Variants in PCBP3 observed in about 807,000 individuals in gnomAD.
PCBP3 encodes the protein poly(rC)-binding protein 3.
In PCBP3, 25 loss-of-function variants were observed where a neutral mutation model predicts 52.7. That is an observed-to-expected ratio of 0.47 (90% CI 0.35 to 0.66). The LOEUF (loss-of-function observed/expected upper bound fraction) is 0.66. PCBP3 is among the 30% of genes least tolerant of loss of function. PCBP3 has a pLI of 0.01. For synonymous variants in PCBP3, 162 were observed against 183.0 expected (o/e 0.89, Z 0.93); for missense variants, 391 against 490.3 (o/e 0.80, Z 1.91).
chr21:45,888,070 G>T (rs1376323952), intron 5 of PCBP3, among the ~76,000 whole-genome samples: 2 of 152,214 alleles, frequency 1.3e-5, no homozygotes, highest in African/African-American at 2.4e-5. Flanking sequence ...GAGCACTGGG[G>T]TCCTCACACT....
chr21:45,676,374 T>G lies in PCBP3; in HGVS notation c.-200+7422T>G, dbSNP rs1365262908. ...TTTATTGCACTTTACAGAATTTTTTTTTTTAAACAAATTTAAGGTTTGTGG... is the reference window on the plus strand; with the variant it reads ...TTTATTGCACTTTACAGAATTTTTTGTTTTAAACAAATTTAAGGTTTGTGG... On this transcript the variant is annotated intron_variant, in intron 2 of 17. Transcript: ENST00000681687. Among the ~76,000 whole-genome samples the G allele has an allele frequency of 2.6e-5, 4 of 152,322 alleles. No homozygotes were observed. In the East Asian group the frequency reaches 7.7e-4, roughly 29 times the overall value.
At chr21:45,907,842 A>T (rs1396160438) in intron 9 of PCBP3, among the ~76,000 whole-genome samples, 2 of 150,596 alleles carry the variant, frequency 1.3e-5, no homozygotes, top group Non-Finnish European at 3.0e-5. Flanking sequence ...GAGGAGCTGG[A>T]AGGGAAGGAC....
At chr21:45,812,494 C>T (rs564175599) in intron 4 of PCBP3, among the ~76,000 whole-genome samples, 2 of 152,290 alleles carry the variant, frequency 1.3e-5, no homozygotes, top group South Asian at 2.1e-4. Flanking sequence ...TAATCTCTGC[C>T]TCCCGAGTTC....
At chr21:45,785,479 C>A (rs1345714764) in intron 4 of PCBP3, among the ~76,000 whole-genome samples, 3 of 138,690 alleles carry the variant, frequency 2.2e-5, no homozygotes, top group African/African-American at 8.5e-5. Context: ...GGGTCAGCCC[C>A]CCGCCTGGCC....
chr21:45,677,751 A>C (rs2081559957), intron 2 of PCBP3, among the ~76,000 whole-genome samples: 2 of 152,238 alleles, frequency 1.3e-5, no homozygotes, highest in Non-Finnish European at 2.9e-5. Flanking sequence ...AGGATCCTTA[A>C]GAATGATGCT....
intron 2 of PCBP3, among the ~76,000 whole-genome samples, chr21:45,671,738 A>G (rs1415922139): frequency 6.6e-6 from 1 of 152,194 alleles, no homozygotes; most frequent in African/African-American, 2.4e-5. Flanking sequence ...TGTAAATCTT[A>G]TCTACAAGGA....
At chr21:45,875,592 GC>G in intron 5 of PCBP3, among the ~76,000 whole-genome samples, 1 of 152,328 alleles carries the variant, frequency 6.6e-6, no homozygotes, top group Admixed American at 6.5e-5. Context: ...GCCCACACCA[GC>G]TTCCCCCAGG....
At chr21:45,834,289 C>T (rs537650103) in intron 4 of PCBP3, among the ~76,000 whole-genome samples, 1 of 152,342 alleles carries the variant, frequency 6.6e-6, no homozygotes, top group East Asian at 1.9e-4. Flanking sequence ...TGTCACCAGC[C>T]GTCAGAGCGC....
At chr21:45,652,442 CT>C (rs377230019) in intron 1 of PCBP3, among the ~76,000 whole-genome samples, 237 of 135,550 alleles carry the variant, frequency 1.7e-3, no homozygotes, top group East Asian at 5.2e-3. Flanking sequence ...ATTCTGATGG[CT>C]TTTTTTTTTT....
chr21:45,837,626 G>A lies in PCBP3; in HGVS notation c.-125-12335G>A, dbSNP rs1371234903. Among the ~76,000 whole-genome samples, 3 of 152,220 alleles carry A rather than the reference G, an allele frequency of 2.0e-5. No individual in the cohort carries two copies. Among genetic ancestry groups the A allele is most frequent in the Non-Finnish European group, 4.4e-5 (3 of 68,046 alleles). On this transcript the variant is annotated intron_variant, in intron 4 of 17. Coordinates refer to ENST00000681687, the MANE Select transcript of PCBP3 (RefSeq NM_001384156.1). This position sits in a 1 kb window ranked among gnomAD's most constrained non-coding sequence, Gnocchi z 4.1. Reference sequence around the variant, plus strand: ...TGGATTTGGCTGGCTGCCTCCTCTGGCATGGTGCAGAGCCCACCTGCAACC... The same window carrying A: ...TGGATTTGGCTGGCTGCCTCCTCTGACATGGTGCAGAGCCCACCTGCAACC...
chr21:45,840,428 G>A (rs904961990), intron 4 of PCBP3, among the ~76,000 whole-genome samples: 15 of 143,728 alleles, frequency 1.0e-4, no homozygotes, highest in Middle Eastern at 3.9e-3. Flanking sequence ...CTGCACTCCA[G>A]CCTGGGTGAC....
intron 13 of PCBP3, among the ~76,000 whole-genome samples, chr21:45,925,399 AAAAG>A (rs1222864094): frequency 1.3e-5 from 2 of 152,250 alleles, no homozygotes; most frequent in African/African-American, 2.4e-5. Context: ...AGTGAAATAA[AAAAG>A]AAACTCTGGA....
chr21:45,717,629 T>G (rs1477509048), intron 2 of PCBP3, among the ~76,000 whole-genome samples: 3 of 152,230 alleles, frequency 2.0e-5, no homozygotes, highest in African/African-American at 7.2e-5. Context: ...ATATGATGTA[T>G]TGCATTGATC....
chr21:45,656,483 G>C lies in PCBP3; in HGVS notation c.-278-12391G>C, dbSNP rs764931094. Among the ~76,000 whole-genome samples the C allele has an allele frequency of 2.2e-4, 34 of 152,116 alleles. No individual in the cohort carries two copies. The highest frequency in any genetic ancestry group is 4.3e-4 in the Non-Finnish European group (29 of 68,040). On this transcript the variant is annotated intron_variant, in intron 1 of 17. Transcript: ENST00000681687. The surrounding 1 kb of genome is among the most constrained non-coding windows in gnomAD (Gnocchi z 4.3). ...ACAGGGAGGGGAACATCATACACCA[G>C]GGCCTGTCGGTGGTGGGGGCCTAGG... is the stretch of plus-strand genomic sequence containing the variant.
intron 16 of PCBP3, among the ~76,000 whole-genome samples, chr21:45,938,616 C>A (rs1043806346): frequency 3.9e-5 from 6 of 152,166 alleles, no homozygotes; most frequent in Non-Finnish European, 8.8e-5. Flanking sequence ...GCGGGTGGGG[C>A]CTTGGGAGAT....
chr21:45,838,040 C>A (rs1481129568), intron 4 of PCBP3, among the ~76,000 whole-genome samples: 7 of 152,232 alleles, frequency 4.6e-5, no homozygotes, highest in Non-Finnish European at 1.5e-5. Flanking sequence ...ATGGTTCATG[C>A]CAGAAAGGCA....
At chr21:45,814,871 CTGGTGAGTGAGTGGTGAGTGATGAG>C (rs2092822071) in intron 4 of PCBP3, among the ~76,000 whole-genome samples, 8 of 23,222 alleles carry the variant, frequency 3.4e-4, no homozygotes, top group South Asian at 1.7e-3. Context: ...TGAGTGGTGA[CTGGTGAGTGAGTGGTGAGTGATGAG>C]TGGTGAGTGA....
intron 2 of PCBP3, among the ~76,000 whole-genome samples, chr21:45,712,745 C>G (rs913099456): frequency 6.6e-6 from 1 of 151,644 alleles, no homozygotes; most frequent in Non-Finnish European, 1.5e-5. Flanking sequence ...CTCTGTCACC[C>G]AGGCTGGAGT....
Position 45,917,732 on chromosome 21 carries a change from T to C in PCBP3, c.717+103T>C. 1 of 952,690 alleles carries C rather than the reference T, an allele frequency of 1.0e-6. No homozygotes were observed. The highest frequency in any genetic ancestry group is 1.7e-6 in the Non-Finnish European group (1 of 580,356). The allele number at this position is 952,690 out of a possible 1,614,324, so 59.0% of individuals were successfully genotyped here. On this transcript the variant is annotated intron_variant, in intron 13 of 17. Coordinates refer to ENST00000681687, the MANE Select transcript of PCBP3 (RefSeq NM_001384156.1). This position sits in a 1 kb window ranked among gnomAD's most constrained non-coding sequence, Gnocchi z 5.3. ...TACTAACATTAATATTACACAATAA[T>C]ATTAATCAACTTCTCAGCGTTCCTG...
Sources: allele counts gnomAD v4.1 joint callset (sites outside exome capture counted in the v4.1 genomes callset), GRCh38; gene constraint gnomAD v4.1.1; non-coding constraint Gnocchi (gnomAD v3.1); transcripts MANE v1.5; gene names NCBI Gene and HGNC (gene_info 2026-07-23, HGNC 2026-07-21).